Variants in CTXND1 observed in about 807,000 individuals in gnomAD.
CTXND1 encodes the protein cortexin domain containing 1, also known as cortexin domain-containing 1 protein.
intron 1 of CTXND1, among the ~76,000 whole-genome samples, chr15:80,214,653 G>A (rs1224694668): frequency 1.3e-5 from 2 of 152,066 alleles, no homozygotes; most frequent in African/African-American, 4.8e-5. Context: ...CTACACTTAG[G>A]GGCAAAATCA....
In CTXND1 at chr15:80,196,611, A is replaced by C. The variant is rs934332068; in HGVS notation, c.*5159T>G. ...ACTAAATTGCTATCACCCCCAGACA[A>C]TATGGCTGCTGGTGAGATTTTATGT... On this transcript the variant is annotated 3_prime_UTR_variant, in exon 3 of 3. Coordinates refer to ENST00000560778, the MANE Select transcript of CTXND1 (RefSeq NM_001352888.2). 2 of 152,246 alleles carry C rather than the reference A, an allele frequency of 1.3e-5. No homozygotes were observed. Among genetic ancestry groups the C allele is most frequent in the African/African-American group, 4.8e-5 (2 of 41,468 alleles). The allele number at this position is 152,246 out of a possible 1,614,324, so 9.4% of individuals were successfully genotyped here.
At chr15:80,204,673 A>ATATATATATATAT (rs1893129743) in intron 1 of CTXND1, among the ~76,000 whole-genome samples, 3 of 125,130 alleles carry the variant, frequency 2.4e-5, no homozygotes, top group African/African-American at 3.7e-5. Context: ...ATATATATAT[A>ATATATATATATAT]CCACATTTTG....
chr15:80,221,118 C>T (rs1308480192), intron 1 of CTXND1, among the ~76,000 whole-genome samples: 1 of 151,928 alleles, frequency 6.6e-6, no homozygotes, highest in Non-Finnish European at 1.5e-5. Context: ...ACCATGTTAG[C>T]CAGGATGGTT....
intron 1 of CTXND1, among the ~76,000 whole-genome samples, chr15:80,243,522 A>T (rs904783055): frequency 1.3e-5 from 2 of 152,154 alleles, no homozygotes; most frequent in African/African-American, 4.8e-5. Context: ...GCTATAGCAG[A>T]TGCCTTGGAC....
chr15:80,204,672 T>TATATATATATATATATATAC (rs898718335), intron 1 of CTXND1, among the ~76,000 whole-genome samples: 2 of 124,834 alleles, frequency 1.6e-5, no homozygotes, highest in Admixed American at 8.0e-5. Flanking sequence ...TATATATATA[T>TATATATATATATATATATAC]ACCACATTTT....
chr15:80,248,728 T>A (rs1893661771), intron 1 of CTXND1, among the ~76,000 whole-genome samples: 1 of 152,180 alleles, frequency 6.6e-6, no homozygotes, highest in Non-Finnish European at 1.5e-5. Context: ...GATGTGATCA[T>A]AAAGGCCATG....
intron 1 of CTXND1, among the ~76,000 whole-genome samples, chr15:80,237,812 C>T (rs1036229316): frequency 2.6e-5 from 4 of 151,868 alleles, no homozygotes; most frequent in Non-Finnish European, 5.9e-5. Context: ...AGTTCGAGAC[C>T]AGCCTGGCCA....
At chr15:80,233,218 C>A (rs1197799961) in intron 1 of CTXND1, among the ~76,000 whole-genome samples, 1 of 152,132 alleles carries the variant, frequency 6.6e-6, no homozygotes, top group Admixed American at 6.5e-5. Flanking sequence ...GGATTACAGG[C>A]GTGAGGCACT....
At chr15:80,242,679 T>A (rs924669032) in intron 1 of CTXND1, among the ~76,000 whole-genome samples, 16 of 152,198 alleles carry the variant, frequency 1.1e-4, no homozygotes, top group Non-Finnish European at 4.4e-5. Context: ...CTTGAAAAAG[T>A]TGGCCCTTGG....
intron 1 of CTXND1, among the ~76,000 whole-genome samples, chr15:80,219,872 C>T (rs1893293398): frequency 6.6e-6 from 1 of 152,100 alleles, no homozygotes. Flanking sequence ...GTCTTTTAGG[C>T]TTTATCTTTA....
At chr15:80,238,642 G>A (rs796417620) in intron 1 of CTXND1, among the ~76,000 whole-genome samples, 21 of 152,082 alleles carry the variant, frequency 1.4e-4, no homozygotes, top group African/African-American at 4.6e-4. Context: ...CCGCCTCCAC[G>A]CCCAGCTAAT....
In CTXND1 at chr15:80,214,110, T is replaced by C. The variant is rs190640981; in HGVS notation, c.-217-10370A>G. On this transcript the variant is annotated intron_variant, in intron 1 of 2. Coordinates refer to ENST00000560778, the MANE Select transcript of CTXND1 (RefSeq NM_001352888.2). ...TAGTAAGAGCTTTATAATAATAATT[T>C]GTACCTATGAGCCCATAGTATTTCA... 5.3e-4 allele frequency among the ~76,000 whole-genome samples: 81 copies of C among 152,298 alleles called. No homozygotes were observed. In the East Asian group the frequency reaches 0.012, roughly 22 times the overall value.
chr15:80,211,745 G>T (rs1893206718), intron 1 of CTXND1, among the ~76,000 whole-genome samples: 1 of 152,098 alleles, frequency 6.6e-6, no homozygotes, highest in African/African-American at 2.4e-5. Flanking sequence ...AAGAAAAGAG[G>T]GGTATTTCTG....
At chr15:80,239,940 C>G (rs187764887) in intron 1 of CTXND1, among the ~76,000 whole-genome samples, 2 of 152,076 alleles carry the variant, frequency 1.3e-5, no homozygotes, top group African/African-American at 4.8e-5. Flanking sequence ...TTTGTGCTTA[C>G]TTTTGTTTTC....
At chr15:80,219,050 G>A (rs1158800927) in intron 1 of CTXND1, among the ~76,000 whole-genome samples, 1 of 148,796 alleles carries the variant, frequency 6.7e-6, no homozygotes, top group African/African-American at 2.5e-5. Context: ...ACCCCACTCA[G>A]TGTCCGTAGT....
At chr15:80,219,496 C>T (rs1298057088) in intron 1 of CTXND1, among the ~76,000 whole-genome samples, 1 of 152,148 alleles carries the variant, frequency 6.6e-6, no homozygotes, top group Non-Finnish European at 1.5e-5. Flanking sequence ...CTTCAGTGAA[C>T]ATTCCTATAC....
intron 1 of CTXND1, among the ~76,000 whole-genome samples, chr15:80,204,199 T>TATATAC (rs1267164168): frequency 1.3e-3 from 34 of 26,774 alleles, no homozygotes; most frequent in African/African-American, 3.6e-3. Flanking sequence ...TATATATATA[T>TATATAC]ACACAAACAC....
intron 1 of CTXND1, among the ~76,000 whole-genome samples, chr15:80,210,593 T>A (rs917454767): frequency 2.6e-5 from 4 of 152,208 alleles, no homozygotes; most frequent in African/African-American, 9.6e-5. Context: ...CGGAGCTTTG[T>A]TATCTGTTTG....
rs954704632 is a variant in CTXND1 at position 80,198,855 on chromosome 15, G to A, written c.*2915C>T. The A allele has an allele frequency of 6.6e-6, 1 of 152,204 alleles. No individual in the cohort carries two copies. Among genetic ancestry groups the A allele is most frequent in the African/African-American group, 2.4e-5 (1 of 41,444 alleles). The allele number at this position is 152,204 out of a possible 1,614,324, so 9.4% of individuals were successfully genotyped here. On this transcript the variant is annotated 3_prime_UTR_variant, in exon 3 of 3. Coordinates refer to ENST00000560778, the MANE Select transcript of CTXND1 (RefSeq NM_001352888.2). Reference sequence around the variant, plus strand: ...ACATAATTATATATGTGCACTAGATGTCATGTTTTATGGCCATTAAAATGA... The same window carrying A: ...ACATAATTATATATGTGCACTAGATATCATGTTTTATGGCCATTAAAATGA...
Sources: allele counts gnomAD v4.1 joint callset (sites outside exome capture counted in the v4.1 genomes callset), GRCh38; gene constraint gnomAD v4.1.1; transcripts MANE v1.5; gene names NCBI Gene and HGNC (gene_info 2026-07-23, HGNC 2026-07-21).